DPH6: variants seen among roughly 807,000 people sequenced by gnomAD.
DPH6 encodes diphthine--ammonia ligase.
Under a neutral mutation model 38.2 loss-of-function variants are expected in DPH6, and 33 were observed. That is an observed-to-expected ratio of 0.86 (90% CI 0.65 to 1.15). The LOEUF (loss-of-function observed/expected upper bound fraction) is 1.15. Among genes scored for constraint, DPH6 ranks in the 50% most tolerant of loss-of-function variants. The pLI is 0.00. For synonymous variants in DPH6, 108 were observed against 103.0 expected, an observed-to-expected ratio of 1.05 and a Z score of -0.30; for missense variants, 325 against 320.0, an observed-to-expected ratio of 1.02 and a Z score of -0.12.
chr15:35,425,664 AGTGT>A (rs753030097), intron 5 of DPH6, among the ~76,000 whole-genome samples: 11 of 124,882 alleles, frequency 8.8e-5, no homozygotes, highest in Non-Finnish European at 1.6e-4. Flanking sequence ...TATATATGGA[AGTGT>A]GTGTGTATGT....
At position 35,340,342 on chromosome 15, in the gene DPH6, C is replaced by T. The variant is rs561735988; in HGVS notation, n.208-9265G>A. 1.1e-4 allele frequency among the ~76,000 whole-genome samples: 16 copies of T among 152,248 alleles called. No homozygotes were observed. In the South Asian group the frequency reaches 3.3e-3, roughly 32 times the overall value. On this transcript the variant is annotated intron_variant and non_coding_transcript_variant, in intron 3 of 3. Transcript: ENST00000558973. ...TTGGCTGTTTGTCCAACTTGCCATT[C>T]TGTGTCTTTAAATTAGGGTATTTAG...
intron 5 of DPH6, among the ~76,000 whole-genome samples, chr15:35,438,270 T>C (rs1373793637): frequency 6.6e-6 from 1 of 152,144 alleles, no homozygotes; most frequent in African/African-American, 2.4e-5. Flanking sequence ...TTTTCTTTCT[T>C]TTTTTGAGAT....
intron 6 of DPH6, among the ~76,000 whole-genome samples, chr15:35,410,597 T>C (rs923654220): frequency 6.6e-6 from 1 of 151,780 alleles, no homozygotes; most frequent in African/African-American, 2.4e-5. Context: ...ATAGACTTTC[T>C]GACAGACTAA....
intron 3 of DPH6, among the ~76,000 whole-genome samples, chr15:35,499,908 C>A (rs1223080544): frequency 6.6e-6 from 1 of 152,134 alleles, no homozygotes; most frequent in African/African-American, 2.4e-5. Flanking sequence ...CCTGGCAGTA[C>A]CATTCCCGTA....
In DPH6 at chr15:35,542,441, T is replaced by G; in HGVS notation, c.90A>C (p.Leu30Phe). 1 of 1,576,846 alleles carries G rather than the reference T, an allele frequency of 6.3e-7. No individual in the cohort carries two copies. The highest frequency in any genetic ancestry group is 8.7e-7 in the Non-Finnish European group (1 of 1,151,026). ...GGTTTTCAGCTGGTCTTAGATTTGC[T>G]AAAGCAACGATCTGATGCCCAGCAG... ...CIAAGHQIVA[L>F]ANLRPAENQV... Residue 30 changes from leucine (L) to phenylalanine (F), a missense_variant, in exon 2 of 9, where the codon TTA becomes TTC. Physicochemically the swap from Leu to Phe is conservative, Grantham distance 22. Transcript: ENST00000256538.
chr15:35,390,174 A>C (rs1957463111), intron 6 of DPH6, among the ~76,000 whole-genome samples: 1 of 151,870 alleles, frequency 6.6e-6, no homozygotes, highest in Non-Finnish European at 1.5e-5. Flanking sequence ...ATTGGTCCCC[A>C]CTCTCTTCTG....
chr15:35,391,443 G>A (rs188406725), intron 6 of DPH6, among the ~76,000 whole-genome samples: 7,286 of 152,232 alleles, frequency 0.048, 210 homozygotes, highest in African/African-American at 0.082. Flanking sequence ...CCCAGAGGTG[G>A]AGCCTACAGA....
intron 3 of DPH6, among the ~76,000 whole-genome samples, chr15:35,247,576 C>T (rs1022977814): frequency 6.6e-6 from 1 of 152,160 alleles, no homozygotes; most frequent in African/African-American, 2.4e-5. Context: ...TTAATAGGAA[C>T]TTCAAGACTA....
the DPH6 span, among the ~76,000 whole-genome samples, chr15:35,160,544 A>C: frequency 6.6e-6 from 1 of 151,904 alleles, no homozygotes; most frequent in Admixed American, 6.6e-5. Context: ...TTTGTCATCC[A>C]GGTAGTGACA....
chr15:35,515,213 T>C (rs1223165479), intron 3 of DPH6, among the ~76,000 whole-genome samples: 4 of 152,040 alleles, frequency 2.6e-5, no homozygotes, highest in Non-Finnish European at 5.9e-5. Context: ...TAGTTATATA[T>C]TATAGCATGT....
chr15:35,306,459 C>A (rs1566864951), intron 3 of DPH6, among the ~76,000 whole-genome samples: 1 of 152,142 alleles, frequency 6.6e-6, no homozygotes, highest in Non-Finnish European at 1.5e-5. Flanking sequence ...TCATTCAAAG[C>A]CAAAGCAGGG....
intron 3 of DPH6, among the ~76,000 whole-genome samples, chr15:35,252,247 A>T (rs1178958364): frequency 2.0e-5 from 3 of 152,254 alleles, no homozygotes; most frequent in Admixed American, 1.3e-4. Flanking sequence ...AGGTACTATT[A>T]TTACACCCAC....
At chr15:35,198,120 A>G in the DPH6 span, among the ~76,000 whole-genome samples, 1 of 151,670 alleles carries the variant, frequency 6.6e-6, no homozygotes, top group Non-Finnish European at 1.5e-5. Context: ...ATGCAATATG[A>G]TCCAGGTACT....
At chr15:35,155,337 ATTACATTATCTCAT>A in the DPH6 span, among the ~76,000 whole-genome samples, 1 of 152,172 alleles carries the variant, frequency 6.6e-6, no homozygotes, top group Non-Finnish European at 1.5e-5. Context: ...AGCATGTTCA[ATTACATTATCTCAT>A]TTGATTCTCA....
chr15:35,237,696 AG>A, intron 3 of DPH6: 1 of 1,613,942 alleles, frequency 6.2e-7, no homozygotes. Context: ...TTCAATTGCG[AG>A]GTAACCAACC....
chr15:35,258,761 G>C (rs1254470593), intron 3 of DPH6, among the ~76,000 whole-genome samples: 2 of 152,022 alleles, frequency 1.3e-5, no homozygotes, highest in Admixed American at 6.5e-5. Flanking sequence ...TCACTAGTTG[G>C]AAACATGCTT....
the DPH6 span, among the ~76,000 whole-genome samples, chr15:35,202,912 A>G: frequency 8.3e-3 from 1,266 of 151,854 alleles, 10 homozygotes; most frequent in Non-Finnish European, 0.012. Flanking sequence ...ATGTCCTGAA[A>G]AGGAGAGAGG....
At chr15:35,343,748 A>T (rs1474491030) in intron 3 of DPH6, among the ~76,000 whole-genome samples, 1 of 152,072 alleles carries the variant, frequency 6.6e-6, no homozygotes, top group Non-Finnish European at 1.5e-5. Context: ...AGCAGTCAAT[A>T]AGAGAAAAAT....
At chr15:35,458,552 C>T (rs2054024903) in intron 3 of DPH6, among the ~76,000 whole-genome samples, 1 of 152,170 alleles carries the variant, frequency 6.6e-6, no homozygotes, top group Non-Finnish European at 1.5e-5. Flanking sequence ...GGGTCCTGAT[C>T]CCTGACCCAT....
Sources: allele counts gnomAD v4.1 joint callset (sites outside exome capture counted in the v4.1 genomes callset), GRCh38; gene constraint gnomAD v4.1.1; transcripts MANE v1.5; gene names NCBI Gene and HGNC (gene_info 2026-07-23, HGNC 2026-07-21).